The following KCNMA1 variants were observed in gnomAD, a reference collection of about 807,000 sequenced individuals.
The protein encoded by KCNMA1 is potassium calcium-activated channel subfamily M alpha 1, also known as Calcium-activated potassium channel subunit alpha-1.
A neutral mutation model predicts 140.0 loss-of-function variants in KCNMA1; 29 were observed. The ratio of observed to expected loss-of-function variants is 0.21; its 90% CI spans 0.15 to 0.28. The LOEUF is 0.28. Among genes scored for constraint, KCNMA1 ranks in the 10% least tolerant of loss-of-function variants. The pLI is 1.00. For synonymous variants in KCNMA1, 612 were observed against 611.9 expected, an observed-to-expected ratio of 1.00 and a Z score of 0.00; for missense variants, 880 against 1,602.2, an observed-to-expected ratio of 0.55 and a Z score of 7.70.
In KCNMA1 at chr10:77,335,276, C is replaced by T. The variant is rs1603043847; in HGVS notation, c.540+68586G>A. Among the ~76,000 whole-genome samples, 4 of 152,340 alleles carry T rather than the reference C, an allele frequency of 2.6e-5. No homozygotes were observed. The South Asian group carries it at 8.3e-4, about 32-fold the overall frequency. On this transcript the variant is annotated intron_variant, in intron 2 of 27. Coordinates refer to ENST00000286628, the MANE Select transcript of KCNMA1 (RefSeq NM_001161352.2). ...TTACCCACTGAGAGTCCCTGTTCCACACTGCCTCTTCTTCTCTTTCTCCTA... is the reference window on the plus strand; with the variant it reads ...TTACCCACTGAGAGTCCCTGTTCCATACTGCCTCTTCTTCTCTTTCTCCTA...
intron 1 of KCNMA1, among the ~76,000 whole-genome samples, chr10:77,581,192 C>T (rs191469022): frequency 3.3e-5 from 5 of 152,314 alleles, no homozygotes; most frequent in Non-Finnish European, 5.9e-5. Flanking sequence ...AGTAGGACTC[C>T]AGCACCTGCC....
At chr10:76,963,877 G>A (rs997293056) in intron 20 of KCNMA1, among the ~76,000 whole-genome samples, 2 of 151,982 alleles carry the variant, frequency 1.3e-5, no homozygotes, top group Non-Finnish European at 1.5e-5. Flanking sequence ...CAGGCCACAC[G>A]GGTCTGTCTG....
intron 1 of KCNMA1, among the ~76,000 whole-genome samples, chr10:77,480,478 G>C (rs1567070076): frequency 6.6e-6 from 1 of 152,190 alleles, no homozygotes; most frequent in Non-Finnish European, 1.5e-5. Context: ...CCATCAGACA[G>C]GGACACGTTT....
chr10:77,055,460 CTCCCTCCA>C lies in KCNMA1; in HGVS notation c.1750-15831_1750-15824del, dbSNP rs761550355. Among the ~76,000 whole-genome samples the C allele has an allele frequency of 2.3e-3, 347 of 151,776 alleles. 2 individuals are homozygous for C. Among genetic ancestry groups the C allele is most frequent in the African/African-American group, 8.0e-3 (333 of 41,380 alleles). On this transcript the variant is annotated intron_variant, in intron 14 of 27. Coordinates refer to ENST00000286628, the MANE Select transcript of KCNMA1 (RefSeq NM_001161352.2). ...GAAATCACTGTTTTTCCCTCCCTCCCTCCCTCCATCCATTCCTTCCTCCCTCTCTTCCT... is the reference window on the plus strand; with the variant it reads ...GAAATCACTGTTTTTCCCTCCCTCCCTCCATTCCTTCCTCCCTCTCTTCCT...
At chr10:77,132,023 AT>A (rs1301077425) in intron 5 of KCNMA1, among the ~76,000 whole-genome samples, 1 of 151,964 alleles carries the variant, frequency 6.6e-6, no homozygotes, top group Non-Finnish European at 1.5e-5. Context: ...ATTGCCAAAC[AT>A]TTGAGGAAAG....
chr10:77,278,996 T>G (rs1160910632), intron 2 of KCNMA1, among the ~76,000 whole-genome samples: 2 of 151,988 alleles, frequency 1.3e-5, no homozygotes, highest in Non-Finnish European at 2.9e-5. Context: ...TTTAGATGAG[T>G]AGATTTTGGA....
intron 1 of KCNMA1, among the ~76,000 whole-genome samples, chr10:77,548,012 A>T (rs907973344): frequency 6.6e-6 from 1 of 152,112 alleles, no homozygotes; most frequent in African/African-American, 2.4e-5. Flanking sequence ...AATTAAAAAA[A>T]AAAAATTGCC....
chr10:77,086,911 G>A (rs1024267569), intron 10 of KCNMA1, among the ~76,000 whole-genome samples: 2 of 152,214 alleles, frequency 1.3e-5, no homozygotes, highest in African/African-American at 2.4e-5. Flanking sequence ...TGCGCCACTA[G>A]TGGGATGGTT....
At chr10:77,533,260 A>T (rs1394764934) in intron 1 of KCNMA1, among the ~76,000 whole-genome samples, 1 of 152,158 alleles carries the variant, frequency 6.6e-6, no homozygotes, top group African/African-American at 2.4e-5. Flanking sequence ...AAGGTCAGAC[A>T]CAACCAGAGC....
At chr10:77,330,613 C>T (rs542545725) in intron 2 of KCNMA1, among the ~76,000 whole-genome samples, 24 of 152,246 alleles carry the variant, frequency 1.6e-4, no homozygotes, top group Admixed American at 1.1e-3. Context: ...CCAAAGCAGG[C>T]GGTTAGTGAT....
At chr10:77,399,172 A>G (rs2096177039) in intron 2 of KCNMA1, among the ~76,000 whole-genome samples, 2 of 152,106 alleles carry the variant, frequency 1.3e-5, no homozygotes, top group Admixed American at 6.5e-5. Flanking sequence ...CACCAGGAAA[A>G]CCACAACAAT....
Position 77,576,868 on chromosome 10 carries a change from G to A in KCNMA1, c.378+60397C>T, listed in dbSNP as rs975250824. Among the ~76,000 whole-genome samples, 43 of 152,132 alleles carry A rather than the reference G, an allele frequency of 2.8e-4. 2 individuals are homozygous for A. The highest frequency in any genetic ancestry group is 1.9e-4 in the East Asian group (1 of 5,184). On this transcript the variant is annotated intron_variant, in intron 1 of 27. Coordinates refer to ENST00000286628, the MANE Select transcript of KCNMA1 (RefSeq NM_001161352.2). ...GTCATTTAACGGGAGGAGGAAGGAC[G>A]ACAATGGCTTACACTGTTTCCCATG... is the stretch of plus-strand genomic sequence containing the variant.
chr10:77,292,538 C>T (rs772406508), intron 2 of KCNMA1, among the ~76,000 whole-genome samples: 76 of 152,314 alleles, frequency 5.0e-4, no homozygotes, highest in African/African-American at 1.6e-3. Flanking sequence ...GCCCAGAGGG[C>T]GGAAGGAAGG....
chr10:77,370,547 C>G (rs979719079), intron 2 of KCNMA1, among the ~76,000 whole-genome samples: 3 of 152,144 alleles, frequency 2.0e-5, no homozygotes, highest in African/African-American at 7.2e-5. Flanking sequence ...CATCCAAAGA[C>G]CTTTAGAATA....
At chr10:77,269,694 T>C (rs2064442471) in intron 2 of KCNMA1, among the ~76,000 whole-genome samples, 1 of 152,176 alleles carries the variant, frequency 6.6e-6, no homozygotes, top group Non-Finnish European at 1.5e-5. Context: ...GCAGAGCAAA[T>C]GGAACATGTG....
intron 2 of KCNMA1, among the ~76,000 whole-genome samples, chr10:77,377,656 T>C (rs991782165): frequency 2.6e-5 from 4 of 152,160 alleles, no homozygotes; most frequent in African/African-American, 9.7e-5. Flanking sequence ...CCAAAGCAGC[T>C]AGGTTTCAGT....
At chr10:77,291,983 G>T (rs1194742460) in intron 2 of KCNMA1, among the ~76,000 whole-genome samples, 1 of 152,070 alleles carries the variant, frequency 6.6e-6, no homozygotes, top group Non-Finnish European at 1.5e-5. Flanking sequence ...TCTGAGAAGG[G>T]TCCCAAATGT....
At chr10:76,901,737 A>G (rs1216336809) in intron 25 of KCNMA1, 2 of 152,210 alleles carry the variant, frequency 1.3e-5, no homozygotes, top group East Asian at 3.8e-4. Flanking sequence ...ATCTCTGAGC[A>G]TAATTGTCTG....
chr10:77,038,903 T>G (rs1051748544), intron 15 of KCNMA1, among the ~76,000 whole-genome samples: 2 of 152,176 alleles, frequency 1.3e-5, no homozygotes, highest in African/African-American at 2.4e-5. Flanking sequence ...CCCCCATAGG[T>G]GACCATCTAT....
Sources: allele counts gnomAD v4.1 joint callset (sites outside exome capture counted in the v4.1 genomes callset), GRCh38; gene constraint gnomAD v4.1.1; transcripts MANE v1.5; gene names NCBI Gene and HGNC (gene_info 2026-07-23, HGNC 2026-07-21).